PRKCI: variants seen among roughly 807,000 people sequenced by gnomAD.
PRKCI encodes protein kinase C iota.
A neutral mutation model predicts 84.0 loss-of-function variants in PRKCI; 43 were observed. That is an observed-to-expected ratio of 0.51 (90% confidence interval 0.40 to 0.66). PRKCI has a LOEUF of 0.66. Among genes scored for constraint, PRKCI ranks in the 30% least tolerant of loss-of-function variants. The pLI is 0.00. For missense variants in PRKCI, 459 were observed against 745.6 expected, an observed-to-expected ratio of 0.62 and a Z score of 4.48; for synonymous variants, 216 against 234.4, an observed-to-expected ratio of 0.92 and a Z score of 0.72.
intron 6 of PRKCI, among the ~76,000 whole-genome samples, chr3:170,271,843 T>C (rs1267274003): frequency 6.6e-6 from 1 of 152,104 alleles, no homozygotes; most frequent in Non-Finnish European, 1.5e-5. Context: ...TCTTTTTTGT[T>C]ATTGTTTTGA....
chr3:170,256,827 G>A lies in PRKCI; in HGVS notation c.224-3142G>A, dbSNP rs117279252. The stretch of plus-strand genomic sequence containing the variant: ...TTGCTTGCTATAAACTCACCTCTTA[G>A]TACTGCTTTCACTGTATCCCATTGG... On this transcript the variant is annotated intron_variant, in intron 2 of 17. Transcript: ENST00000295797. 5.5e-3 allele frequency among the ~76,000 whole-genome samples: 833 copies of A among 152,060 alleles called. 27 individuals carry two copies. In the East Asian group the frequency reaches 0.059, roughly 11 times the overall value.
At chr3:170,298,710 T>A (rs1230475453) in intron 16 of PRKCI, among the ~76,000 whole-genome samples, 2 of 152,136 alleles carry the variant, frequency 1.3e-5, no homozygotes, top group African/African-American at 4.8e-5. Context: ...CCAGCCAATT[T>A]TTAATTTTTT....
At chr3:170,292,468 A>G (rs1734576177) in intron 13 of PRKCI, among the ~76,000 whole-genome samples, 2 of 152,158 alleles carry the variant, frequency 1.3e-5, no homozygotes, top group Non-Finnish European at 1.5e-5. Context: ...ATCTTGAGAA[A>G]ACATTTGACT....
chr3:170,262,986 C>T (rs1470865672), intron 3 of PRKCI, among the ~76,000 whole-genome samples: 3 of 151,670 alleles, frequency 2.0e-5, no homozygotes, highest in South Asian at 2.1e-4. Flanking sequence ...CTGGCTAACA[C>T]GGTGAAACCC....
At chr3:170,280,798 A>C (rs1023479151) in intron 9 of PRKCI, among the ~76,000 whole-genome samples, 9 of 152,174 alleles carry the variant, frequency 5.9e-5, no homozygotes, top group Admixed American at 4.6e-4. Context: ...TTATTATCTC[A>C]TTCTGCTTTT....
At position 170,289,438 on chromosome 3, in the gene PRKCI, T is replaced by A. The variant is rs138183831; in HGVS notation, c.1204-2416T>A. Among the ~76,000 whole-genome samples, 377 of 152,204 alleles carry A rather than the reference T, an allele frequency of 2.5e-3. 1 individual carries two copies. Among genetic ancestry groups the A allele is most frequent in the African/African-American group, 8.7e-3 (360 of 41,534 alleles). On this transcript the variant is annotated intron_variant, in intron 12 of 17. Coordinates refer to ENST00000295797, the MANE Select transcript of PRKCI (RefSeq NM_002740.6). ...ATGTCTCTGGAGGGCCACATAATAG[T>A]GGTTGCCTCTAGGGAGCTGGAACTG...
chr3:170,271,589 C>T (rs532486228), intron 6 of PRKCI, among the ~76,000 whole-genome samples: 2 of 151,658 alleles, frequency 1.3e-5, no homozygotes, highest in East Asian at 3.9e-4. Context: ...TCTTTTTTTC[C>T]TTACAATTTA....
chr3:170,275,698 CAA>C (rs1388576761), intron 8 of PRKCI, among the ~76,000 whole-genome samples: 2 of 151,740 alleles, frequency 1.3e-5, no homozygotes, highest in Admixed American at 6.6e-5. Flanking sequence ...TAAAACAAAA[CAA>C]ATAATTAAAA....
intron 12 of PRKCI, among the ~76,000 whole-genome samples, chr3:170,287,023 A>G (rs1377975601): frequency 6.6e-6 from 1 of 152,006 alleles, no homozygotes; most frequent in Non-Finnish European, 1.5e-5. Context: ...GCAAGCCACC[A>G]CGCCCGACTG....
chr3:170,248,375 G>A (rs915272880), intron 2 of PRKCI, among the ~76,000 whole-genome samples: 1 of 130,438 alleles, frequency 7.7e-6, no homozygotes, highest in Non-Finnish European at 1.7e-5. Context: ...ATATATTGGG[G>A]GGGGGAAAAA....
At chr3:170,250,206 G>A (rs978057520) in intron 2 of PRKCI, among the ~76,000 whole-genome samples, 2 of 151,018 alleles carry the variant, frequency 1.3e-5, no homozygotes, top group African/African-American at 2.4e-5. Flanking sequence ...CTGGGAGCTG[G>A]AGGTTGCAGT....
chr3:170,288,164 A>G (rs1286435119), intron 12 of PRKCI, among the ~76,000 whole-genome samples: 1 of 151,022 alleles, frequency 6.6e-6, no homozygotes, highest in East Asian at 2.0e-4. Context: ...GAGAATGGCG[A>G]GAACCCGGGA....
At chr3:170,290,421 A>T (rs1207398229) in intron 12 of PRKCI, among the ~76,000 whole-genome samples, 2 of 151,970 alleles carry the variant, frequency 1.3e-5, no homozygotes, top group African/African-American at 4.8e-5. Context: ...ACTTAAAAGG[A>T]TATATAATCT....
At chr3:170,222,799 G>A (rs201877981) in intron 1 of PRKCI, 29 bp downstream of exon 1, 1,219 of 1,582,142 alleles carry the variant, frequency 7.7e-4, no homozygotes, top group African/African-American at 3.4e-3. Context: ...GGCGGTGGGC[G>A]GGAGGGGACA....
At chr3:170,253,781 A>ATCCGTTT in intron 2 of PRKCI, among the ~76,000 whole-genome samples, 1 of 149,558 alleles carries the variant, frequency 6.7e-6, no homozygotes, top group South Asian at 2.1e-4. Context: ...ACAGAGCAAG[A>ATCCGTTT]CTCCATCTAA....
At chr3:170,222,868 G>T (rs1732527051) in intron 1 of PRKCI, 98 bp downstream of exon 1, 2 of 268,182 alleles carry the variant, frequency 7.5e-6, no homozygotes, top group Non-Finnish European at 1.3e-5. Flanking sequence ...GTTGTGGGCG[G>T]ATTGGGCTGG....
chr3:170,249,293 G>A (rs973547314), intron 2 of PRKCI, among the ~76,000 whole-genome samples: 3 of 152,022 alleles, frequency 2.0e-5, no homozygotes, highest in Admixed American at 6.6e-5. Flanking sequence ...ATCAGCCAGC[G>A]AGTCTAGGGA....
chr3:170,284,919 A>G (rs1289557692), intron 12 of PRKCI, among the ~76,000 whole-genome samples: 1 of 152,200 alleles, frequency 6.6e-6, no homozygotes, highest in African/African-American at 2.4e-5. Context: ...TTTGCATATG[A>G]CCTTCCAATT....
At chr3:170,253,770 G>A (rs1482993964) in intron 2 of PRKCI, among the ~76,000 whole-genome samples, 8 of 151,792 alleles carry the variant, frequency 5.3e-5, no homozygotes, top group Admixed American at 3.9e-4. Flanking sequence ...CAGCCTGGGC[G>A]ACAGAGCAAG....
Sources: allele counts gnomAD v4.1 joint callset (sites outside exome capture counted in the v4.1 genomes callset), GRCh38; gene constraint gnomAD v4.1.1; transcripts MANE v1.5; gene names NCBI Gene and HGNC (gene_info 2026-07-23, HGNC 2026-07-21).